The following PACSIN1 variants were observed in gnomAD, a reference collection of about 807,000 sequenced individuals.
The protein encoded by PACSIN1 is protein kinase C and casein kinase substrate in neurons protein 1.
PACSIN1 carries 15 observed loss-of-function variants against 59.5 expected under a neutral mutation model. That is an observed-to-expected ratio of 0.25 (90% CI 0.17 to 0.39). The LOEUF (loss-of-function observed/expected upper bound fraction) is 0.39, where lower values mean the gene tolerates loss of function less well. Ranked by LOEUF, PACSIN1 falls within the 10% of genes least tolerant of loss-of-function variation. The pLI is 1.00. For missense variants in PACSIN1, 420 were observed against 580.2 expected, an observed-to-expected ratio of 0.72 and a Z score of 2.84; for synonymous variants, 210 against 220.6, an observed-to-expected ratio of 0.95 and a Z score of 0.42.
intron 1 of PACSIN1, among the ~76,000 whole-genome samples, chr6:34,491,579 T>A (rs1001403070): frequency 6.6e-6 from 1 of 151,942 alleles, no homozygotes; most frequent in Admixed American, 6.6e-5. Context: ...GAGAGGGCTG[T>A]GTGCTCCATG....
intron 1 of PACSIN1, among the ~76,000 whole-genome samples, chr6:34,506,403 C>T (rs1767115306): frequency 1.3e-5 from 2 of 151,740 alleles, no homozygotes; most frequent in African/African-American, 4.8e-5. Flanking sequence ...TTTGTAGAGA[C>T]AGGGTCTCAC....
At chr6:34,512,903 T>C (rs900279381) in intron 1 of PACSIN1, among the ~76,000 whole-genome samples, 25 of 152,218 alleles carry the variant, frequency 1.6e-4, no homozygotes, top group Non-Finnish European at 7.3e-5. Context: ...GCCTTTGTCA[T>C]TGTGGACAAA....
chr6:34,491,726 C>T (rs1673697318), intron 1 of PACSIN1, among the ~76,000 whole-genome samples: 1 of 151,988 alleles, frequency 6.6e-6, no homozygotes, highest in African/African-American at 2.4e-5. Context: ...ATTCTCCTGC[C>T]TCAGCTTCCC....
chr6:34,502,031 C>CAAAAAAAAA (rs55848755), intron 1 of PACSIN1, among the ~76,000 whole-genome samples: 1 of 67,212 alleles, frequency 1.5e-5, no homozygotes, highest in African/African-American at 5.2e-5. Flanking sequence ...GACTCTGTCT[C>CAAAAAAAAA]AAAAAAAAAA....
intron 1 of PACSIN1, among the ~76,000 whole-genome samples, chr6:34,522,461 A>T (rs188412225): frequency 3.3e-5 from 5 of 152,242 alleles, no homozygotes; most frequent in African/African-American, 1.2e-4. Context: ...CTGGATCCAG[A>T]CCCTGGGCTC....
Position 34,483,001 on chromosome 6 carries a change from C to CTTTTTTTT in PACSIN1, c.-64+16744_-64+16751dup, listed in dbSNP as rs34111587. On this transcript the variant is annotated intron_variant, in intron 1 of 9. Coordinates refer to ENST00000244458, the MANE Select transcript of PACSIN1 (RefSeq NM_020804.5). ...TGCGCCCAGCCAACTCCATGTTTAACTTTTTTTTTTTTTTTTTTTTGAAAC... is the reference window on the plus strand; with the variant it reads ...TGCGCCCAGCCAACTCCATGTTTAACTTTTTTTTTTTTTTTTTTTTTTTTTTTTGAAAC... 5.1e-3 allele frequency among the ~76,000 whole-genome samples: 569 copies of CTTTTTTTT among 111,942 alleles called. 8 individuals carry two copies. The East Asian group carries it at 0.065, about 13-fold the overall frequency. 73.4% of individuals were successfully genotyped at this position (111,942 alleles called of 152,430 possible).
At chr6:34,469,984 C>G (rs1292385562) in intron 1 of PACSIN1, among the ~76,000 whole-genome samples, 2 of 152,160 alleles carry the variant, frequency 1.3e-5, no homozygotes, top group Admixed American at 6.5e-5. Context: ...CCACTTCAGA[C>G]CCACCTGCTG....
intron 1 of PACSIN1, among the ~76,000 whole-genome samples, chr6:34,506,523 T>G (rs1426026397): frequency 2.0e-5 from 3 of 152,236 alleles, no homozygotes; most frequent in African/African-American, 7.2e-5. Flanking sequence ...CCACAGATTA[T>G]TTTTGTATTA....
At chr6:34,505,555 T>C (rs1192784757) in intron 1 of PACSIN1, among the ~76,000 whole-genome samples, 1 of 151,210 alleles carries the variant, frequency 6.6e-6, no homozygotes, top group Non-Finnish European at 1.5e-5. Context: ...CCATTTTCTC[T>C]CTGTTGTTCA....
chr6:34,524,423 G>A (rs1330575315), intron 1 of PACSIN1, among the ~76,000 whole-genome samples: 4 of 152,096 alleles, frequency 2.6e-5, no homozygotes, highest in Admixed American at 6.6e-5. Flanking sequence ...CTCCCCCTGC[G>A]TCCCCTGGCC....
chr6:34,498,898 C>T (rs186462246), intron 1 of PACSIN1, among the ~76,000 whole-genome samples: 6 of 151,370 alleles, frequency 4.0e-5, no homozygotes, highest in South Asian at 2.1e-4. Context: ...TGGGCCCCAG[C>T]GTTTTTGGCA....
intron 1 of PACSIN1, among the ~76,000 whole-genome samples, chr6:34,507,391 A>C (rs565239601): frequency 6.6e-6 from 1 of 152,154 alleles, no homozygotes; most frequent in Non-Finnish European, 1.5e-5. Context: ...TGGTTTTAGC[A>C]GGAGGAATGG....
chr6:34,466,836 C>A (rs941910030), intron 1 of PACSIN1, among the ~76,000 whole-genome samples: 1 of 152,188 alleles, frequency 6.6e-6, no homozygotes, highest in Non-Finnish European at 1.5e-5. Flanking sequence ...AAGCCATGGG[C>A]TGCTGGGCAC....
In PACSIN1 at chr6:34,527,347, C is replaced by A. The variant is rs1172976174; in HGVS notation, c.79C>A (p.Arg27=). The A allele has an allele frequency of 2.5e-6, 4 of 1,583,906 alleles. No homozygotes were observed. Among genetic ancestry groups the A allele is most frequent in the Non-Finnish European group, 3.4e-6 (4 of 1,165,810 alleles). ...TGGCCGCCAGGTGGGGAACTACAAGCGGACCGTGAAGCGCATCGATGACGG... is the reference window on the plus strand; with the variant it reads ...TGGCCGCCAGGTGGGGAACTACAAGAGGACCGTGAAGCGCATCGATGACGG... ...DSFWEVGNYK[R]TVKRIDDGHR... Residue 27 remains arginine (R), a synonymous_variant, in exon 3 of 10, where the codon CGG becomes AGG. Transcript: ENST00000244458.
intron 1 of PACSIN1, among the ~76,000 whole-genome samples, chr6:34,504,909 T>C (rs1767085939): frequency 6.6e-6 from 1 of 152,138 alleles, no homozygotes; most frequent in Non-Finnish European, 1.5e-5. Flanking sequence ...ATTTGAAAAC[T>C]GTTTTGCCAC....
rs1766826557 is a variant in PACSIN1, at chr6:34,488,525, A to G, written c.-64+22255A>G. On this transcript the variant is annotated intron_variant, in intron 1 of 9. Transcript: ENST00000244458. This position sits in a 1 kb window ranked among gnomAD's most constrained non-coding sequence, Gnocchi z 4.7. ...TTCCCCTTTGGGAACCAGGATTTCT[A>G]AACTTGCAGTGCCCAGAGTTGTCCC... Among the ~76,000 whole-genome samples, 1 of 152,086 alleles carries G rather than the reference A, an allele frequency of 6.6e-6. No homozygotes were observed. Among genetic ancestry groups the G allele is most frequent in the South Asian group, 2.1e-4 (1 of 4,826 alleles).
At chr6:34,522,346 T>C (rs114262832) in intron 1 of PACSIN1, among the ~76,000 whole-genome samples, 4,586 of 152,344 alleles carry the variant, frequency 0.03, 111 homozygotes, top group African/African-American at 0.074. Context: ...TCTACAGCCG[T>C]ACCCAGCACA....
chr6:34,474,914 C>T (rs981685780), intron 1 of PACSIN1, among the ~76,000 whole-genome samples: 1 of 151,934 alleles, frequency 6.6e-6, no homozygotes, highest in Non-Finnish European at 1.5e-5. Flanking sequence ...ATTTCTTGGA[C>T]CCATCAAACA....
chr6:34,480,640 TG>T (rs201164842), intron 1 of PACSIN1, among the ~76,000 whole-genome samples: 3,471 of 152,332 alleles, frequency 0.023, 138 homozygotes, highest in African/African-American at 0.074. Context: ...TGAAAAGTTC[TG>T]CTGGCTTCCA....
Sources: allele counts gnomAD v4.1 joint callset (sites outside exome capture counted in the v4.1 genomes callset), GRCh38; gene constraint gnomAD v4.1.1; non-coding constraint Gnocchi (gnomAD v3.1); transcripts MANE v1.5; gene names NCBI Gene and HGNC (gene_info 2026-07-23, HGNC 2026-07-21).